ADAM12: variants seen among roughly 807,000 people sequenced by gnomAD.
The protein encoded by ADAM12 is disintegrin and metalloproteinase domain-containing protein 12.
Under a neutral mutation model 106.4 loss-of-function variants are expected in ADAM12, and 70 were observed. That is an observed-to-expected ratio of 0.66 (90% confidence interval 0.54 to 0.80). The LOEUF (loss-of-function observed/expected upper bound fraction) is 0.80. Ranked by LOEUF, ADAM12 falls within the 30% of genes least tolerant of loss-of-function variation. The probability of loss-of-function intolerance (pLI) is 0.00; values close to 1 mark genes in which losing one functional copy is unlikely to be tolerated. For synonymous variants in ADAM12, 420 were observed against 433.5 expected, an observed-to-expected ratio of 0.97 and a Z score of 0.39; for missense variants, 1,010 against 1,171.9, an observed-to-expected ratio of 0.86 and a Z score of 2.02.
intron 2 of ADAM12, among the ~76,000 whole-genome samples, chr10:126,298,132 A>C (rs1960462751): frequency 6.6e-6 from 1 of 152,228 alleles, no homozygotes; most frequent in Non-Finnish European, 1.5e-5. Flanking sequence ...CTAGCGGCTC[A>C]ATTTGTCTTT....
chr10:126,044,963 G>C (rs570982483), intron 17 of ADAM12, among the ~76,000 whole-genome samples: 1 of 152,286 alleles, frequency 6.6e-6, no homozygotes, highest in East Asian at 1.9e-4. Flanking sequence ...GCTGCCGGGA[G>C]CCTGCCCTTG....
intron 3 of ADAM12, among the ~76,000 whole-genome samples, chr10:126,200,131 G>C (rs1337572537): frequency 2.6e-5 from 4 of 152,142 alleles, no homozygotes; most frequent in African/African-American, 4.8e-5. Flanking sequence ...TGCAGGGTCT[G>C]ACCTGGGCCA....
chr10:126,066,582 C>A lies in ADAM12; in HGVS notation c.1413+135G>T. On this transcript the variant is annotated intron_variant, in intron 13 of 22. Coordinates refer to ENST00000448723, the MANE Select transcript of ADAM12 (RefSeq NM_001288973.2). This position sits in a 1 kb window ranked among gnomAD's most constrained non-coding sequence, Gnocchi z 5.1. The stretch of plus-strand genomic sequence containing the variant: ...GTAAGAGGTGGGTAACACCAACTGG[C>A]GTGAGAAGGAGGGATGGTGCGTGCT... 1.3e-6 allele frequency: 1 copy of A among 759,148 alleles called. No individual in the cohort carries two copies. Among genetic ancestry groups the A allele is most frequent in the Non-Finnish European group, 2.2e-6 (1 of 451,402 alleles). The allele number at this position is 759,148 out of a possible 1,614,324, so 47.0% of individuals were successfully genotyped here.
At chr10:126,055,794 A>T (rs1954617128) in intron 14 of ADAM12, among the ~76,000 whole-genome samples, 1 of 152,228 alleles carries the variant, frequency 6.6e-6, no homozygotes, top group African/African-American at 2.4e-5. Flanking sequence ...TTTTCCAAAA[A>T]ATCTCCTGAC....
At chr10:126,360,888 G>A (rs1855719792) in intron 1 of ADAM12, among the ~76,000 whole-genome samples, 1 of 152,204 alleles carries the variant, frequency 6.6e-6, no homozygotes, top group Non-Finnish European at 1.5e-5. Context: ...AAAGAAAGAG[G>A]TTTAATTTGG....
In ADAM12 at chr10:126,020,992, C is replaced by CAAAAAAAA. The variant is rs3067295; in HGVS notation, c.2530-1175_2530-1168dup. On this transcript the variant is annotated intron_variant, in intron 21 of 22. Coordinates refer to ENST00000448723, the MANE Select transcript of ADAM12 (RefSeq NM_001288973.2). The stretch of plus-strand genomic sequence containing the variant: ...TAGGTGACAGAGTGAGACTCTGTCT[C>CAAAAAAAA]AAAAAAAAAAAAAAAAAAAAATGTA... Among the ~76,000 whole-genome samples, 283 of 98,324 alleles carry CAAAAAAAA rather than the reference C, an allele frequency of 2.9e-3. 3 individuals carry two copies. Among genetic ancestry groups the CAAAAAAAA allele is most frequent in the African/African-American group, 1.0e-2 (271 of 27,142 alleles). The allele number at this position is 98,324 out of a possible 152,430, so 64.5% of individuals were successfully genotyped here.
chr10:126,266,114 A>G (rs1959091654), intron 3 of ADAM12, among the ~76,000 whole-genome samples: 1 of 152,196 alleles, frequency 6.6e-6, no homozygotes, highest in African/African-American at 2.4e-5. Context: ...TAACTGTTGC[A>G]TGCACCTCAC....
intron 3 of ADAM12, among the ~76,000 whole-genome samples, chr10:126,178,740 A>G (rs1014224061): frequency 6.6e-6 from 1 of 152,152 alleles, no homozygotes; most frequent in African/African-American, 2.4e-5. Context: ...AACATAACAC[A>G]CAGCTGTCAA....
chr10:126,028,330 G>C (rs1953914715), intron 21 of ADAM12, among the ~76,000 whole-genome samples: 1 of 152,022 alleles, frequency 6.6e-6, no homozygotes, highest in African/African-American at 2.4e-5. Flanking sequence ...AATTCATATG[G>C]AACCCCAAAA....
intron 22 of ADAM12, among the ~76,000 whole-genome samples, chr10:126,017,824 T>C (rs1953687722): frequency 6.6e-6 from 1 of 152,180 alleles, no homozygotes; most frequent in Non-Finnish European, 1.5e-5. Context: ...GGGCACCCAG[T>C]ATCCCTAAAA....
chr10:126,353,745 C>T (rs984303587), intron 1 of ADAM12, among the ~76,000 whole-genome samples: 3 of 152,164 alleles, frequency 2.0e-5, no homozygotes, highest in African/African-American at 7.2e-5. Flanking sequence ...GCTCATGTAT[C>T]TTTCAAAAGA....
At chr10:126,068,947 G>A (rs760680466) in intron 12 of ADAM12, among the ~76,000 whole-genome samples, 2 of 152,174 alleles carry the variant, frequency 1.3e-5, no homozygotes, top group African/African-American at 2.4e-5. Context: ...GATTATTTCT[G>A]GGAGCAAGGG....
intron 3 of ADAM12, among the ~76,000 whole-genome samples, chr10:126,166,069 G>A (rs527371879): frequency 3.3e-5 from 5 of 152,180 alleles, no homozygotes; most frequent in African/African-American, 7.2e-5. Flanking sequence ...TGCTGATACA[G>A]CATTTTGGAA....
intron 1 of ADAM12, among the ~76,000 whole-genome samples, chr10:126,340,006 C>A (rs1490206410): frequency 1.3e-5 from 2 of 151,992 alleles, no homozygotes; most frequent in Non-Finnish European, 1.5e-5. Context: ...AGGTGCATAC[C>A]ACCACACCTA....
At chr10:126,139,115 C>A (rs7896870) in intron 4 of ADAM12, among the ~76,000 whole-genome samples, 2 of 151,952 alleles carry the variant, frequency 1.3e-5, no homozygotes, top group African/African-American at 2.4e-5. Flanking sequence ...TACACAATAA[C>A]CCATTGAGAT....
chr10:126,145,490 G>A (rs899855682), intron 4 of ADAM12: 9 of 152,494 alleles, frequency 5.9e-5, no homozygotes, highest in African/African-American at 9.7e-5. Context: ...TAGGAGCTGA[G>A]ACTCTCCTGT....
At chr10:126,120,842 A>C (rs1242982664) in intron 5 of ADAM12, among the ~76,000 whole-genome samples, 1 of 146,434 alleles carries the variant, frequency 6.8e-6, no homozygotes, top group Middle Eastern at 3.6e-3. Context: ...ATGTAAATGG[A>C]ATGAGGTTTA....
intron 3 of ADAM12, among the ~76,000 whole-genome samples, chr10:126,198,255 T>C (rs1957634341): frequency 6.6e-6 from 1 of 152,160 alleles, no homozygotes; most frequent in Non-Finnish European, 1.5e-5. Context: ...TAGACACATT[T>C]CAAAGACTGA....
intron 21 of ADAM12, among the ~76,000 whole-genome samples, chr10:126,026,802 A>T (rs979226150): frequency 2.0e-5 from 3 of 152,252 alleles, no homozygotes; most frequent in African/African-American, 7.2e-5. Flanking sequence ...CTAAATGCCC[A>T]CATCAAAAAG....
Sources: allele counts gnomAD v4.1 joint callset (sites outside exome capture counted in the v4.1 genomes callset), GRCh38; gene constraint gnomAD v4.1.1; non-coding constraint Gnocchi (gnomAD v3.1); transcripts MANE v1.5; gene names NCBI Gene and HGNC (gene_info 2026-07-23, HGNC 2026-07-21).